The following NTM variants were observed in gnomAD, a reference collection of about 807,000 sequenced individuals.
NTM encodes the protein IgLON family member 2.
NTM carries 13 observed loss-of-function variants against 42.1 expected under a neutral mutation model. The observed-to-expected ratio is 0.31, with a 90% CI of 0.20 to 0.49. The LOEUF (loss-of-function observed/expected upper bound fraction) is 0.49, where lower values mean the gene tolerates loss of function less well. Among genes scored for constraint, NTM ranks in the 20% least tolerant of loss-of-function variants. The probability of loss-of-function intolerance (pLI) is 0.99; values close to 1 mark genes in which losing one functional copy is unlikely to be tolerated. For synonymous variants in NTM, 187 were observed against 179.2 expected (o/e 1.04, Z -0.35); for missense variants, 373 against 452.8 (o/e 0.82, Z 1.60).
At chr11:131,556,213 A>G (rs2055391041) in intron 1 of NTM, among the ~76,000 whole-genome samples, 1 of 152,156 alleles carries the variant, frequency 6.6e-6, no homozygotes, top group African/African-American at 2.4e-5. Flanking sequence ...CCAGTCCCCA[A>G]GTCACCTTCC....
chr11:132,144,935 A>G (rs1191621575), intron 2 of NTM, among the ~76,000 whole-genome samples: 2 of 152,226 alleles, frequency 1.3e-5, no homozygotes, highest in African/African-American at 4.8e-5. Flanking sequence ...AGACATTTAC[A>G]TAAGCAAAGC....
chr11:131,504,945 C>T (rs2047303019), intron 1 of NTM, among the ~76,000 whole-genome samples: 1 of 152,164 alleles, frequency 6.6e-6, no homozygotes, highest in Admixed American at 6.5e-5. Flanking sequence ...ATCAACACAC[C>T]CTCTCCTCCG....
At chr11:131,726,627 T>C (rs1193126348) in intron 1 of NTM, among the ~76,000 whole-genome samples, 1 of 151,300 alleles carries the variant, frequency 6.6e-6, no homozygotes, top group Non-Finnish European at 1.5e-5. Flanking sequence ...GGAATTTCCT[T>C]GTTGGCTCCT....
chr11:131,997,620 G>A (rs547024780), intron 2 of NTM, among the ~76,000 whole-genome samples: 2 of 152,268 alleles, frequency 1.3e-5, no homozygotes, highest in South Asian at 4.1e-4. Flanking sequence ...CACTTGTAAT[G>A]ATCTGAACTG....
Position 131,557,344 on chromosome 11 carries a change from C to T in NTM, c.82+186456C>T, listed in dbSNP as rs140561088. 5.7e-3 allele frequency among the ~76,000 whole-genome samples: 866 copies of T among 152,208 alleles called. 5 individuals carry two copies. The highest frequency in any genetic ancestry group is 9.4e-3 in the Non-Finnish European group (640 of 67,998). ...GCCTTCACCTCCACCTGATCATTGA[C>T]GCCCCGACCCTGTGAAAGACACTTG... On this transcript the variant is annotated intron_variant, in intron 1 of 8. Transcript: ENST00000683400.
intron 7 of NTM, among the ~76,000 whole-genome samples, chr11:132,321,631 C>T (rs1252681194): frequency 6.6e-6 from 1 of 152,036 alleles, no homozygotes; most frequent in Admixed American, 6.6e-5. Flanking sequence ...AGAATTTCCC[C>T]AATCTAGCAA....
chr11:131,669,613 G>T lies in NTM; in HGVS notation c.83-241951G>T, dbSNP rs145994283. Reference sequence around the variant, plus strand: ...GTCACTCAGCAATTCAGCGGTGGGGGCACCGAGGCTTCCGGCTCCAGGCTC... The same window carrying T: ...GTCACTCAGCAATTCAGCGGTGGGGTCACCGAGGCTTCCGGCTCCAGGCTC... On this transcript the variant is annotated intron_variant, in intron 1 of 8. Transcript: ENST00000683400. Among the ~76,000 whole-genome samples, 9 of 152,170 alleles carry T rather than the reference G, an allele frequency of 5.9e-5. No individual in the cohort carries two copies. In the South Asian group the frequency reaches 6.2e-4, roughly 11 times the overall value.
At chr11:131,664,439 T>C (rs1237398952) in intron 1 of NTM, among the ~76,000 whole-genome samples, 1 of 152,192 alleles carries the variant, frequency 6.6e-6, no homozygotes, top group Non-Finnish European at 1.5e-5. Flanking sequence ...CAAGGAACAG[T>C]TTTTGGCAGC....
intron 4 of NTM, among the ~76,000 whole-genome samples, chr11:132,278,851 G>A (rs563386772): frequency 6.8e-6 from 1 of 146,918 alleles, no homozygotes; most frequent in South Asian, 2.2e-4. Context: ...TTCACTCTAC[G>A]CTCCTCTCCT....
At chr11:131,938,955 A>G (rs1411836701) in intron 2 of NTM, among the ~76,000 whole-genome samples, 1 of 152,174 alleles carries the variant, frequency 6.6e-6, no homozygotes, top group African/African-American at 2.4e-5. Flanking sequence ...GGACCCTTAG[A>G]TACACTAAGT....
chr11:131,611,557 G>A (rs1395554216), intron 1 of NTM, among the ~76,000 whole-genome samples: 2 of 152,176 alleles, frequency 1.3e-5, no homozygotes, highest in African/African-American at 2.4e-5. Context: ...TAAAGAAGGA[G>A]GAAAAGCACA....
At chr11:132,132,441 G>A (rs1273755713) in intron 2 of NTM, among the ~76,000 whole-genome samples, 1 of 152,246 alleles carries the variant, frequency 6.6e-6, no homozygotes, top group Non-Finnish European at 1.5e-5. Context: ...TAAGGAATAT[G>A]TTTTGTTCTG....
intron 1 of NTM, among the ~76,000 whole-genome samples, chr11:131,627,347 G>A (rs148869341): frequency 2.0e-3 from 300 of 152,012 alleles, no homozygotes; most frequent in Non-Finnish European, 3.6e-3. Flanking sequence ...GGAAAGTATA[G>A]CATTCGAGGA....
At chr11:132,108,028 T>C (rs1243704200) in intron 2 of NTM, among the ~76,000 whole-genome samples, 1 of 152,198 alleles carries the variant, frequency 6.6e-6, no homozygotes, top group African/African-American at 2.4e-5. Flanking sequence ...TACTCAAACC[T>C]TGTTAATGAT....
At chr11:131,899,251 G>A (rs2052757329) in intron 1 of NTM, among the ~76,000 whole-genome samples, 1 of 152,112 alleles carries the variant, frequency 6.6e-6, no homozygotes, top group African/African-American at 2.4e-5. Flanking sequence ...CATACATGGA[G>A]GAAACAGCCA....
At chr11:131,974,526 G>A (rs1187361428) in intron 2 of NTM, among the ~76,000 whole-genome samples, 1 of 152,292 alleles carries the variant, frequency 6.6e-6, no homozygotes, top group Admixed American at 6.5e-5. Flanking sequence ...TAGTGAGTTA[G>A]CATCTTCTGT....
chr11:131,784,527 T>A (rs903990972), intron 1 of NTM, among the ~76,000 whole-genome samples: 1 of 152,178 alleles, frequency 6.6e-6, no homozygotes, highest in Admixed American at 6.5e-5. Flanking sequence ...TGCAATCATG[T>A]AAAGCTCTAG....
At chr11:131,557,917 A>G (rs1042784492) in intron 1 of NTM, among the ~76,000 whole-genome samples, 4 of 152,218 alleles carry the variant, frequency 2.6e-5, no homozygotes, top group Non-Finnish European at 5.9e-5. Context: ...GAGGGGTGGT[A>G]TCTCTGCTGC....
At chr11:132,098,366 C>G (rs565158016) in intron 2 of NTM, among the ~76,000 whole-genome samples, 6 of 152,320 alleles carry the variant, frequency 3.9e-5, no homozygotes, top group African/African-American at 1.4e-4. Flanking sequence ...CATAGAGAAT[C>G]TTTTGTGTGA....
Sources: allele counts gnomAD v4.1 joint callset (sites outside exome capture counted in the v4.1 genomes callset), GRCh38; gene constraint gnomAD v4.1.1; transcripts MANE v1.5; gene names NCBI Gene and HGNC (gene_info 2026-07-23, HGNC 2026-07-21).